The following PPARGC1A variants were observed in gnomAD, a reference collection of about 807,000 sequenced individuals.
PPARGC1A encodes peroxisome proliferator-activated receptor gamma coactivator 1-alpha.
Under a neutral mutation model 88.7 loss-of-function variants are expected in PPARGC1A, and 25 were observed. The observed-to-expected ratio is 0.28, with a 90% CI of 0.21 to 0.39. The LOEUF (loss-of-function observed/expected upper bound fraction) is 0.39, where lower values mean the gene tolerates loss of function less well. Among genes scored for constraint, PPARGC1A ranks in the 10% least tolerant of loss-of-function variants. PPARGC1A has a pLI of 1.00. For synonymous variants in PPARGC1A, 363 were observed against 355.6 expected (o/e 1.02, Z -0.24); for missense variants, 880 against 968.7 (o/e 0.91, Z 1.22).
At chr4:23,977,712 G>A in the PPARGC1A span, among the ~76,000 whole-genome samples, 1 of 152,104 alleles carries the variant, frequency 6.6e-6, no homozygotes, top group Non-Finnish European at 1.5e-5. Context: ...AAAAGAGAAA[G>A]CAATGGATAG....
At chr4:24,036,462 T>A in the PPARGC1A span, among the ~76,000 whole-genome samples, 3 of 152,134 alleles carry the variant, frequency 2.0e-5, no homozygotes, top group East Asian at 5.8e-4. Context: ...GCAGCTTTAA[T>A]TACATGAACT....
the PPARGC1A span, among the ~76,000 whole-genome samples, chr4:24,366,578 CA>C: frequency 6.6e-6 from 1 of 152,134 alleles, no homozygotes; most frequent in Non-Finnish European, 1.5e-5. Context: ...TTGGGTGACA[CA>C]AACCTTATAC....
the PPARGC1A span, among the ~76,000 whole-genome samples, chr4:24,049,918 G>A: frequency 6.6e-6 from 1 of 152,114 alleles, no homozygotes; most frequent in Admixed American, 6.5e-5. Flanking sequence ...AAGCACTTGA[G>A]AAACAAAGCA....
At chr4:24,099,294 A>G in the PPARGC1A span, among the ~76,000 whole-genome samples, 1 of 151,056 alleles carries the variant, frequency 6.6e-6, no homozygotes. Context: ...CTGCAAAAAA[A>G]AAAAAAAAAA....
chr4:24,136,023 C>T, the PPARGC1A span, among the ~76,000 whole-genome samples: 1 of 152,312 alleles, frequency 6.6e-6, no homozygotes, highest in Middle Eastern at 3.4e-3. Flanking sequence ...GACGCTATTT[C>T]TGCTTTGCTT....
the PPARGC1A span, among the ~76,000 whole-genome samples, chr4:24,217,782 A>C: frequency 6.6e-6 from 1 of 152,122 alleles, no homozygotes; most frequent in Non-Finnish European, 1.5e-5. Context: ...CAGCCTGGGC[A>C]ACAGAGTGAG....
At chr4:23,852,743 A>G (rs993602193) in intron 2 of PPARGC1A, among the ~76,000 whole-genome samples, 1 of 152,120 alleles carries the variant, frequency 6.6e-6, no homozygotes, top group Non-Finnish European at 1.5e-5. Flanking sequence ...ATACAGCATC[A>G]TGCCATGTTT....
At chr4:24,327,898 A>G in the PPARGC1A span, among the ~76,000 whole-genome samples, 1 of 152,276 alleles carries the variant, frequency 6.6e-6, no homozygotes, top group Admixed American at 6.5e-5. Flanking sequence ...GGCCTGAAGT[A>G]ACTGAAGAAT....
chr4:24,202,281 C>G, the PPARGC1A span, among the ~76,000 whole-genome samples: 1 of 152,178 alleles, frequency 6.6e-6, no homozygotes, highest in African/African-American at 2.4e-5. Context: ...CCGTGAAGCT[C>G]ATTTCTACAC....
At chr4:24,295,296 C>A in the PPARGC1A span, among the ~76,000 whole-genome samples, 2 of 152,120 alleles carry the variant, frequency 1.3e-5, no homozygotes, top group African/African-American at 4.8e-5. Context: ...CCTCTCTTGA[C>A]GTTTGCCAGT....
At chr4:23,955,864 T>G in the PPARGC1A span, among the ~76,000 whole-genome samples, 1 of 152,086 alleles carries the variant, frequency 6.6e-6, no homozygotes, top group African/African-American at 2.4e-5. Context: ...AGAACTGAAG[T>G]CTTCCTGACT....
chr4:24,013,872 C>A, the PPARGC1A span, among the ~76,000 whole-genome samples: 2 of 152,074 alleles, frequency 1.3e-5, no homozygotes, highest in African/African-American at 4.8e-5. Context: ...GGGGAAGGAC[C>A]AAGTTTCCCT....
the PPARGC1A span, among the ~76,000 whole-genome samples, chr4:24,441,169 C>A: frequency 2.6e-5 from 4 of 152,314 alleles, no homozygotes; most frequent in Non-Finnish European, 5.9e-5. Flanking sequence ...GACAAAGGGA[C>A]AAATACAAGC....
the PPARGC1A span, among the ~76,000 whole-genome samples, chr4:24,174,692 G>A: frequency 2.6e-5 from 4 of 152,164 alleles, no homozygotes; most frequent in African/African-American, 9.7e-5. Flanking sequence ...TCCAACCCAA[G>A]TCTTATGACT....
chr4:24,105,915 T>C, the PPARGC1A span, among the ~76,000 whole-genome samples: 1 of 152,180 alleles, frequency 6.6e-6, no homozygotes. Flanking sequence ...CCTTTTAGAA[T>C]TGTTGACGGC....
chr4:24,070,373 T>C, the PPARGC1A span, among the ~76,000 whole-genome samples: 2 of 152,222 alleles, frequency 1.3e-5, no homozygotes, highest in Admixed American at 6.5e-5. Flanking sequence ...TTAGTCATGA[T>C]GGCAAACATA....
chr4:23,929,418 T>C, the PPARGC1A span, among the ~76,000 whole-genome samples: 13 of 152,162 alleles, frequency 8.5e-5, no homozygotes, highest in Non-Finnish European at 1.5e-4. Context: ...GCCACAGACC[T>C]TTTATGTGGT....
rs1279710462 is a variant in PPARGC1A at position 23,802,520 on chromosome 4, A to G, written c.2020-175T>C. Among the ~76,000 whole-genome samples the G allele has an allele frequency of 3.9e-5, 6 of 151,978 alleles. No individual in the cohort carries two copies. In the East Asian group the frequency reaches 1.2e-3, roughly 30 times the overall value. The stretch of plus-strand genomic sequence containing the variant: ...TGGTGAAACCCCATCTCTACTAAAA[A>G]TACAAAAATTGGCCAGGTGTGGTGG... On this transcript the variant is annotated intron_variant, in intron 10 of 12. Transcript: ENST00000264867.
chr4:24,447,348 C>A, the PPARGC1A span, among the ~76,000 whole-genome samples: 1 of 152,136 alleles, frequency 6.6e-6, no homozygotes, highest in South Asian at 2.1e-4. Context: ...CTAAGTCAAC[C>A]AGAGAAGGGA....
Sources: gnomAD v4.1 joint callset for allele counts (sites outside exome capture counted in the v4.1 genomes callset) on GRCh38, gnomAD v4.1.1 for gene constraint, MANE v1.5 for transcripts, NCBI Gene and HGNC (gene_info 2026-07-23, HGNC 2026-07-21) for gene names.